FAT3: variants seen among roughly 807,000 people sequenced by gnomAD.
The protein encoded by FAT3 is FAT atypical cadherin 3, also known as protocadherin Fat 3.
In FAT3, 95 loss-of-function variants were observed where a neutral mutation model predicts 310.2. The observed-to-expected ratio is 0.31, with a 90% CI of 0.26 to 0.36. FAT3 has a LOEUF of 0.36. Ranked by LOEUF, FAT3 falls within the 10% of genes least tolerant of loss-of-function variation. The pLI, the probability that FAT3 is intolerant of heterozygous loss-of-function variation, is 1.00. For synonymous variants in FAT3, 2,314 were observed against 2,192.9 expected (o/e 1.06, Z -1.54); for missense variants, 5,408 against 5,715.6 (o/e 0.95, Z 1.74).
chr11:92,683,011 G>C (rs367949441), intron 3 of FAT3, among the ~76,000 whole-genome samples: 47 of 150,076 alleles, frequency 3.1e-4, no homozygotes, highest in African/African-American at 1.1e-3. Context: ...CCAGGAGGCG[G>C]AGGTTGCAGT....
intron 7 of FAT3, among the ~76,000 whole-genome samples, chr11:92,786,907 ATC>A (rs1946909060): frequency 6.6e-6 from 1 of 152,224 alleles, no homozygotes; most frequent in Non-Finnish European, 1.5e-5. Flanking sequence ...CTGGAAGAGT[ATC>A]TCTGTACTTC....
At chr11:92,436,814 C>G (rs1950950032) in intron 2 of FAT3, among the ~76,000 whole-genome samples, 1 of 152,104 alleles carries the variant, frequency 6.6e-6, no homozygotes, top group Non-Finnish European at 1.5e-5. Flanking sequence ...TGTTGTTTTG[C>G]TTCCTGAGTA....
At chr11:92,488,893 G>A (rs906092378) in intron 2 of FAT3, among the ~76,000 whole-genome samples, 1 of 152,008 alleles carries the variant, frequency 6.6e-6, no homozygotes, top group African/African-American at 2.4e-5. Flanking sequence ...ACCTTTCTAT[G>A]TCTCCATTTC....
In FAT3 at chr11:92,844,610, G is replaced by C. The variant is rs747116701; in HGVS notation, c.11243G>C (p.Cys3748Ser). 3 of 1,613,606 alleles carry C rather than the reference G, an allele frequency of 1.9e-6. No individual in the cohort carries two copies. Among genetic ancestry groups the C allele is most frequent in the Non-Finnish European group, 2.5e-6 (3 of 1,179,772 alleles). Residue 3748 changes from cysteine to serine, a missense_variant, in exon 19 of 28, where the codon TGT (cysteine) becomes TCT (serine). By Grantham distance (112) the Cys-to-Ser change is moderately radical. Around this residue, in one of 5 missense-constraint regions of FAT3, gnomAD observed 4,588 missense variants for 4,809.8 expected, o/e 0.95. Transcript: ENST00000525166. ...GAGAAGAACTGCTCAGGGCTGGACT[G>C]TCAGGAACAGCATTGTGAGCAAGGC... ...ILEKNCSGLD[C>S]QEQHCEQGLS...
intron 1 of FAT3, among the ~76,000 whole-genome samples, chr11:92,229,067 G>C (rs778194194): frequency 3.5e-4 from 54 of 152,320 alleles, no homozygotes; most frequent in Non-Finnish European, 6.6e-4. Flanking sequence ...GACAGACTTA[G>C]AGTGAAGGAT....
intron 2 of FAT3, among the ~76,000 whole-genome samples, chr11:92,359,544 A>G (rs1304626486): frequency 4.0e-5 from 6 of 151,098 alleles, no homozygotes; most frequent in Non-Finnish European, 8.8e-5. Context: ...TTAGTTACAT[A>G]TGTATACATG....
At chr11:92,567,990 ATG>A (rs1955527889) in intron 3 of FAT3, among the ~76,000 whole-genome samples, 1 of 152,116 alleles carries the variant, frequency 6.6e-6, no homozygotes, top group Admixed American at 6.5e-5. Flanking sequence ...ATGTGTACAT[ATG>A]TAACTAACCT....
At chr11:92,706,474 C>T (rs1944357534) in intron 4 of FAT3, among the ~76,000 whole-genome samples, 1 of 152,086 alleles carries the variant, frequency 6.6e-6, no homozygotes, top group South Asian at 2.1e-4. Flanking sequence ...AAAGGCACTG[C>T]CAGCAGCAGG....
intron 2 of FAT3, among the ~76,000 whole-genome samples, chr11:92,495,434 G>A (rs201471286): frequency 6.6e-6 from 1 of 152,154 alleles, no homozygotes; most frequent in East Asian, 1.9e-4. Flanking sequence ...TGACTGGCTT[G>A]TTTGGCTCAA....
chr11:92,337,061 C>T (rs554980188), intron 1 of FAT3, among the ~76,000 whole-genome samples: 4 of 152,266 alleles, frequency 2.6e-5, no homozygotes, highest in Admixed American at 6.5e-5. Context: ...CGCTGAAGTT[C>T]CTGCCTCTTA....
chr11:92,312,078 A>G (rs1279777968), intron 1 of FAT3, among the ~76,000 whole-genome samples: 3 of 152,180 alleles, frequency 2.0e-5, no homozygotes, highest in East Asian at 3.9e-4. Context: ...TGTCAACTGT[A>G]TATATCCCTT....
intron 2 of FAT3, among the ~76,000 whole-genome samples, chr11:92,389,828 T>C (rs530787647): frequency 1.1e-4 from 17 of 152,258 alleles, no homozygotes; most frequent in Admixed American, 9.8e-4. Context: ...ACTATGGAAT[T>C]AGAGCAACGT....
intron 3 of FAT3, among the ~76,000 whole-genome samples, chr11:92,557,249 T>C (rs958663773): frequency 1.3e-5 from 2 of 152,018 alleles, no homozygotes; most frequent in Non-Finnish European, 2.9e-5. Context: ...GCTTATTACC[T>C]TCACGGTACC....
At chr11:92,392,815 T>C (rs1453456278) in intron 2 of FAT3, among the ~76,000 whole-genome samples, 4 of 152,140 alleles carry the variant, frequency 2.6e-5, no homozygotes, top group African/African-American at 7.2e-5. Flanking sequence ...TATATAGAGA[T>C]TGTTGCTCTT....
chr11:92,403,371 A>T (rs971017957), intron 2 of FAT3: 4 of 152,180 alleles, frequency 2.6e-5, no homozygotes, highest in Admixed American at 2.0e-4. Context: ...TCCCTGAGCC[A>T]GTCTTATTTG....
chr11:92,229,946 A>G (rs1417218870), intron 1 of FAT3, among the ~76,000 whole-genome samples: 2 of 152,140 alleles, frequency 1.3e-5, no homozygotes, highest in Non-Finnish European at 2.9e-5. Context: ...CCAGATAGAT[A>G]TATATGAATG....
In FAT3 at chr11:92,799,257, C is replaced by G; in HGVS notation, c.6244C>G (p.Pro2082Ala). Reference sequence around the variant, plus strand: ...CATTGAAGACATAAATGACAATTCTCCAGTCTTTGTGGGCCTCCCATACTA... The same window carrying G: ...CATTGAAGACATAAATGACAATTCTGCAGTCTTTGTGGGCCTCCCATACTA... Reference protein sequence around the residue: ...VNIEDINDNSPVFVGLPYYAA... With the variant: ...VNIEDINDNSAVFVGLPYYAA... The change falls in exon 10 of 28, where the codon CCA (proline) becomes GCA (alanine). Residue 2082 changes from proline to alanine, a missense_variant. Pro to Ala is a conservative substitution (Grantham distance 27). This residue lies in a region of FAT3 where 4,588 missense variants were observed against 4,809.8 expected (regional missense o/e 0.95). Transcript: ENST00000525166. The G allele has an allele frequency of 6.2e-7, 1 of 1,613,876 alleles. No individual in the cohort carries two copies. Among genetic ancestry groups the G allele is most frequent in the Non-Finnish European group, 8.5e-7 (1 of 1,179,858 alleles).
chr11:92,879,906 C>T (rs1462391248), intron 22 of FAT3, among the ~76,000 whole-genome samples: 1 of 152,022 alleles, frequency 6.6e-6, no homozygotes, highest in African/African-American at 2.4e-5. Context: ...GAACTGCCTT[C>T]CTCTTTACTA....
At position 92,373,191 on chromosome 11, in the gene FAT3, C is replaced by T. The variant is rs1949241866; in HGVS notation, c.3292+17787C>T. 3.3e-5 allele frequency among the ~76,000 whole-genome samples: 5 copies of T among 152,170 alleles called. No homozygotes were observed. The South Asian group carries it at 1.0e-3, about 32-fold the overall frequency. ...CTTCTCCTCTTCCTTAGCACCATCA[C>T]CACTATCGTCTAGTACTTACTGAGA... On this transcript the variant is annotated intron_variant, in intron 2 of 27. Transcript: ENST00000525166.
Sources: gnomAD v4.1 joint callset for allele counts (sites outside exome capture counted in the v4.1 genomes callset) on GRCh38, gnomAD v4.1.1 for gene constraint, gnomAD v4.1.1 regional missense constraint, MANE v1.5 for transcripts, NCBI Gene and HGNC (gene_info 2026-07-23, HGNC 2026-07-21) for gene names.